Variants in CSNK1G2 observed in about 807,000 individuals in gnomAD.
The protein encoded by CSNK1G2 is casein kinase 1 gamma 2.
Under a neutral mutation model 48.0 loss-of-function variants are expected in CSNK1G2, and 11 were observed. The observed-to-expected ratio is 0.23, with a 90% confidence interval of 0.14 to 0.38. CSNK1G2 has a LOEUF of 0.38. Among genes scored for constraint, CSNK1G2 ranks in the 10% least tolerant of loss-of-function variants. CSNK1G2 has a pLI of 1.00. For missense variants in CSNK1G2, 446 were observed against 595.5 expected, an observed-to-expected ratio of 0.75 and a Z score of 2.61; for synonymous variants, 337 against 254.1, an observed-to-expected ratio of 1.33 and a Z score of -3.10.
intron 2 of CSNK1G2, among the ~76,000 whole-genome samples, chr19:1,976,547 G>A (rs2015762151): frequency 6.6e-6 from 1 of 152,210 alleles, no homozygotes; most frequent in African/African-American, 2.4e-5. Flanking sequence ...GGCACTAGCC[G>A]GGGGAAGAGG....
intron 1 of CSNK1G2, among the ~76,000 whole-genome samples, chr19:1,951,053 G>A (rs1371711636): frequency 1.4e-5 from 2 of 145,662 alleles, no homozygotes; most frequent in African/African-American, 5.3e-5. Context: ...GGGGAGGTGA[G>A]AGGAGACGCC....
Position 1,980,505 on chromosome 19 carries a change from T to G in CSNK1G2, c.*302T>G, listed in dbSNP as rs1378414346. ...AAAACAGAGGCCCGCCCTACCCCACTCCTGCCCCTCCGTTTCTTTGCTGAA... is the reference window on the plus strand; with the variant it reads ...AAAACAGAGGCCCGCCCTACCCCACGCCTGCCCCTCCGTTTCTTTGCTGAA... On this transcript the variant is annotated 3_prime_UTR_variant, in exon 12 of 12. Transcript: ENST00000255641. 2.3e-6 allele frequency: 1 copy of G among 433,974 alleles called. No homozygotes were observed. The highest frequency in any genetic ancestry group is 4.2e-6 in the Non-Finnish European group (1 of 240,640). The allele number at this position is 433,974 out of a possible 1,614,324, so 26.9% of individuals were successfully genotyped here. A position where few individuals can be genotyped will look rare whatever the true frequency, so the allele number is the denominator to read the frequency against.
chr19:1,973,436 C>G (rs1456858656), intron 2 of CSNK1G2, among the ~76,000 whole-genome samples: 3 of 151,982 alleles, frequency 2.0e-5, no homozygotes, highest in Admixed American at 1.3e-4. Context: ...TGGCAAACTC[C>G]TGACCTCAGG....
Position 1,975,126 on chromosome 19 carries a change from G to A in CSNK1G2, c.188-3179G>A, listed in dbSNP as rs769927592. The A allele has an allele frequency of 1.6e-5, 16 of 985,326 alleles. No homozygotes were observed. The South Asian group carries it at 2.8e-4, about 17-fold the overall frequency. The allele number at this position is 985,326 out of a possible 1,614,324, so 61.0% of individuals were successfully genotyped here. ...TTCCACAGTGCAGAGTAGAAGAGCC[G>A]GGAAGGACCCCATCACCATCAGATG... On this transcript the variant is annotated intron_variant, in intron 2 of 11. Transcript: ENST00000255641.
intron 2 of CSNK1G2, among the ~76,000 whole-genome samples, chr19:1,977,934 C>A (rs965245742): frequency 2.6e-5 from 4 of 151,788 alleles, no homozygotes; most frequent in Non-Finnish European, 4.4e-5. Context: ...CCGAGGGCCT[C>A]GGGCATGTGG....
At chr19:1,947,043 C>T (rs534024338) in intron 1 of CSNK1G2, among the ~76,000 whole-genome samples, 2 of 151,962 alleles carry the variant, frequency 1.3e-5, no homozygotes, top group Admixed American at 6.6e-5. Context: ...CGTGAGCCAC[C>T]GTGCCCGGCC....
intron 1 of CSNK1G2, among the ~76,000 whole-genome samples, chr19:1,952,342 A>C (rs1407800172): frequency 6.6e-6 from 1 of 150,512 alleles, no homozygotes; most frequent in Non-Finnish European, 1.5e-5. Context: ...TTTTTTCTTG[A>C]GACAGAGTCT....
At chr19:1,952,893 G>A in intron 1 of CSNK1G2, 1 of 446,744 alleles carries the variant, frequency 2.2e-6, no homozygotes. Context: ...AGAGGCAGGA[G>A]CTGGCAACCG....
At chr19:1,959,527 C>A (rs1363239337) in intron 1 of CSNK1G2, among the ~76,000 whole-genome samples, 1 of 146,532 alleles carries the variant, frequency 6.8e-6, no homozygotes, top group African/African-American at 2.5e-5. Context: ...TAGTACCACC[C>A]TGAGTCCCCC....
intron 2 of CSNK1G2, among the ~76,000 whole-genome samples, chr19:1,970,862 G>A (rs564866062): frequency 2.6e-5 from 4 of 152,276 alleles, no homozygotes; most frequent in Admixed American, 2.0e-4. Flanking sequence ...GCAGTGGATC[G>A]GCCTCACGTG....
chr19:1,946,683 G>T (rs1477338388), intron 1 of CSNK1G2, among the ~76,000 whole-genome samples: 1 of 149,258 alleles, frequency 6.7e-6, no homozygotes, highest in African/African-American at 2.5e-5. Context: ...CGCAATCTTG[G>T]CTCACTGCAA....
At chr19:1,942,861 T>C (rs943656022) in intron 1 of CSNK1G2, among the ~76,000 whole-genome samples, 2 of 152,164 alleles carry the variant, frequency 1.3e-5, no homozygotes, top group Non-Finnish European at 2.9e-5. Context: ...CCCCTGTGTC[T>C]CCACCAAAAC....
chr19:1,969,061 C>T (rs1487877618), intron 1 of CSNK1G2, among the ~76,000 whole-genome samples: 1 of 152,198 alleles, frequency 6.6e-6, no homozygotes, highest in African/African-American at 2.4e-5. Context: ...CTGTCATCTG[C>T]CTCCCTCCCT....
chr19:1,950,362 A>AG (rs1284328961), intron 1 of CSNK1G2, among the ~76,000 whole-genome samples: 7 of 146,132 alleles, frequency 4.8e-5, no homozygotes, highest in Non-Finnish European at 1.0e-4. Context: ...GATGGTCTTG[A>AG]TCTCCAGACC....
At position 1,979,544 on chromosome 19, in the gene CSNK1G2, G is replaced by C. The variant is rs1379092788; in HGVS notation, c.903G>C (p.Glu301Asp). ...ATGTGCGGCGCCTGGACTTCTTCGA[G>C]AAGCCCGACTATGACTACCTGCGGA... ...LRYVRRLDFF[E>D]KPDYDYLRKL... The change falls in exon 9 of 12, where the codon GAG becomes GAC. Residue 301 changes from glutamate to aspartate, a missense_variant. Glu to Asp is a conservative substitution (Grantham distance 45, BLOSUM62 2). Transcript: ENST00000255641. 1 of 1,608,718 alleles carries C rather than the reference G, an allele frequency of 6.2e-7. No homozygotes were observed. Among genetic ancestry groups the C allele is most frequent in the Middle Eastern group, 1.7e-4 (1 of 5,964 alleles).
chr19:1,960,914 A>G (rs531678452), intron 1 of CSNK1G2, among the ~76,000 whole-genome samples: 10 of 152,308 alleles, frequency 6.6e-5, no homozygotes, highest in African/African-American at 2.4e-4. Context: ...GCAGGCACGG[A>G]CGTTTCAGCC....
At position 1,980,226 on chromosome 19, in the gene CSNK1G2, G is replaced by C. The variant is rs1211686718; in HGVS notation, c.*23G>C. The stretch of plus-strand genomic sequence containing the variant: ...TGACCCTGGGCGCGTGCAGCCCCCT[G>C]AATCTTCTCCGTGCAGCCCCTTGGG... On this transcript the variant is annotated 3_prime_UTR_variant, in exon 12 of 12. Transcript: ENST00000255641. 1 of 1,612,450 alleles carries C rather than the reference G, an allele frequency of 6.2e-7. No homozygotes were observed. The highest frequency in any genetic ancestry group is 1.3e-5 in the African/African-American group (1 of 74,922).
chr19:1,974,409 C>T (rs976895904), intron 2 of CSNK1G2, among the ~76,000 whole-genome samples: 6 of 152,210 alleles, frequency 3.9e-5, no homozygotes, highest in African/African-American at 1.4e-4. Context: ...AGGGCAGCGA[C>T]TCAGATCCTC....
rs570152480 is a variant in CSNK1G2 at position 1,952,178 on chromosome 19, C to A, written c.-266+10760C>A. ...TGGTCACTGCAGGACAGCAAGCACA[C>A]CTTGGCCCCTCAGTGGGCAGTGGGT... is the stretch of plus-strand genomic sequence containing the variant. On this transcript the variant is annotated intron_variant, in intron 1 of 11. Coordinates refer to ENST00000255641, the MANE Select transcript of CSNK1G2 (RefSeq NM_001319.7). 5.9e-5 allele frequency among the ~76,000 whole-genome samples: 9 copies of A among 152,348 alleles called. No individual in the cohort carries two copies. In the East Asian group the frequency reaches 1.4e-3, roughly 23 times the overall value.
Sources: allele counts gnomAD v4.1 joint callset (sites outside exome capture counted in the v4.1 genomes callset), GRCh38; gene constraint gnomAD v4.1.1; transcripts MANE v1.5; gene names NCBI Gene and HGNC (gene_info 2026-07-23, HGNC 2026-07-21).